HDAC4: variants seen among roughly 807,000 people sequenced by gnomAD.
HDAC4 encodes the protein histone deacetylase A.
Under a neutral mutation model 135.1 loss-of-function variants are expected in HDAC4, and 16 were observed. That is an observed-to-expected ratio of 0.12 (90% confidence interval 0.08 to 0.18). The LOEUF is 0.18. Among genes scored for constraint, HDAC4 ranks in the 10% least tolerant of loss-of-function variants. The probability of loss-of-function intolerance (pLI) is 1.00; values close to 1 mark genes in which losing one functional copy is unlikely to be tolerated. For missense variants in HDAC4, 1,143 were observed against 1,511.8 expected (o/e 0.76, Z 4.05); for synonymous variants, 685 against 653.4 (o/e 1.05, Z -0.74).
intron 3 of HDAC4, among the ~76,000 whole-genome samples, chr2:239,234,856 A>G (rs2047791603): frequency 6.6e-6 from 1 of 152,222 alleles, no homozygotes; most frequent in Non-Finnish European, 1.5e-5. Context: ...GAAACTATGC[A>G]TATTTACCAT....
upstream of HDAC4, chr2:239,401,126 G>A (rs961814807): frequency 2.0e-5 from 3 of 151,810 alleles, no homozygotes; most frequent in East Asian, 3.9e-4. Flanking sequence ...TCCCCTTGCG[G>A]GCCCCGCCCT....
intron 2 of HDAC4, among the ~76,000 whole-genome samples, chr2:239,340,766 T>C (rs753446459): frequency 6.6e-6 from 1 of 152,202 alleles, no homozygotes; most frequent in Non-Finnish European, 1.5e-5. Context: ...ATCTGTGCCC[T>C]GCAGTCCTCG....
At chr2:239,076,447 T>C (rs767644419) in intron 22 of HDAC4, among the ~76,000 whole-genome samples, 3 of 152,234 alleles carry the variant, frequency 2.0e-5, no homozygotes, top group Non-Finnish European at 2.9e-5. Context: ...ATAATTCACT[T>C]AACAGCTGGG....
At chr2:239,072,591 C>T (rs2034313560) in intron 22 of HDAC4, among the ~76,000 whole-genome samples, 1 of 152,238 alleles carries the variant, frequency 6.6e-6, no homozygotes, top group Non-Finnish European at 1.5e-5. Flanking sequence ...GAGGCCCCTC[C>T]CTGGGGGCAG....
chr2:239,298,836 G>A (rs911634866), intron 2 of HDAC4, among the ~76,000 whole-genome samples: 7 of 150,850 alleles, frequency 4.6e-5, no homozygotes, highest in Admixed American at 2.0e-4. Context: ...TACTGAATCC[G>A]GAAGCAACCC....
At chr2:239,235,085 C>T (rs957852400) in intron 3 of HDAC4, among the ~76,000 whole-genome samples, 1 of 152,094 alleles carries the variant, frequency 6.6e-6, no homozygotes, top group African/African-American at 2.4e-5. Context: ...TTAAAGCTCC[C>T]CACCGCTCCC....
chr2:239,257,445 G>GC (rs2049114716), intron 2 of HDAC4, among the ~76,000 whole-genome samples: 1 of 152,122 alleles, frequency 6.6e-6, no homozygotes, highest in Non-Finnish European at 1.5e-5. Flanking sequence ...TATTTGCAGA[G>GC]CCCCACCCCC....
Position 239,126,426 on chromosome 2 carries a change from G to A in HDAC4, c.1533+30C>T, listed in dbSNP as rs779453585. 1.9e-6 allele frequency: 3 copies of A among 1,612,888 alleles called. No individual in the cohort carries two copies. In the Admixed American group the frequency reaches 5.0e-5, roughly 27 times the overall value. On this transcript the variant is annotated intron_variant, in intron 12 of 26. Coordinates refer to ENST00000543185, the MANE Select transcript of HDAC4 (RefSeq NM_001378414.1). ...AGCGCACAGCACACAGCCGCCCTGG[G>A]GCCTGGGAGCGCTGAGCCGGCAAAC... is the stretch of plus-strand genomic sequence containing the variant.
At chr2:239,063,692 C>T (rs369658257) in intron 24 of HDAC4, among the ~76,000 whole-genome samples, 21 of 152,324 alleles carry the variant, frequency 1.4e-4, no homozygotes, top group African/African-American at 4.1e-4. Flanking sequence ...CAGCCTCCCC[C>T]ACACCTGCGA....
intron 22 of HDAC4, among the ~76,000 whole-genome samples, chr2:239,080,078 G>C (rs540767791): frequency 8.2e-6 from 1 of 121,746 alleles, no homozygotes; most frequent in East Asian, 2.0e-4. Context: ...ACAGATGAAC[G>C]AACACCCACC....
chr2:239,163,954 A>G (rs769309523), intron 5 of HDAC4, 31 bp from the exon 6 acceptor site: 4 of 1,613,560 alleles, frequency 2.5e-6, no homozygotes, highest in Non-Finnish European at 2.5e-6. Context: ...GCAGGGGGTG[A>G]AGTGTGGCTC....
At chr2:239,329,842 G>A (rs1013468379) in intron 2 of HDAC4, among the ~76,000 whole-genome samples, 29 of 152,010 alleles carry the variant, frequency 1.9e-4, no homozygotes, top group African/African-American at 6.8e-4. Flanking sequence ...CCTATAAGGT[G>A]AAGTCTCTTA....
At chr2:239,098,304 C>T (rs993459077) in intron 16 of HDAC4, among the ~76,000 whole-genome samples, 68 of 152,374 alleles carry the variant, frequency 4.5e-4, no homozygotes, top group Admixed American at 2.7e-3. Flanking sequence ...GCTCTGCAAA[C>T]GACCAGCCTT....
At chr2:239,292,215 G>A (rs1052372549) in intron 2 of HDAC4, among the ~76,000 whole-genome samples, 5 of 152,226 alleles carry the variant, frequency 3.3e-5, no homozygotes, top group South Asian at 2.1e-4. Flanking sequence ...ACTCCCAGCC[G>A]GGCAGGTGCT....
chr2:239,087,432 G>A (rs2036084421), intron 19 of HDAC4, 127 bp downstream of exon 19: 2 of 889,626 alleles, frequency 2.2e-6, no homozygotes, highest in East Asian at 2.7e-5. Flanking sequence ...GCCGGCATGC[G>A]GCACATCCTG....
At chr2:239,346,901 TCA>T (rs1012606230) in intron 2 of HDAC4, among the ~76,000 whole-genome samples, 4 of 125,614 alleles carry the variant, frequency 3.2e-5, no homozygotes, top group East Asian at 2.3e-4. Context: ...ACCCTGTCTC[TCA>T]CACACACACC....
intron 16 of HDAC4, among the ~76,000 whole-genome samples, chr2:239,096,373 C>CCCG (rs2037045862): frequency 3.0e-5 from 4 of 134,580 alleles, no homozygotes; most frequent in Non-Finnish European, 6.4e-5. Context: ...GCCTGCAACC[C>CCCG]CCCCCGACAC....
In HDAC4 at chr2:239,240,211, G is replaced by A. The variant is rs1283617193; in HGVS notation, c.23-3547C>T. 6.6e-6 allele frequency among the ~76,000 whole-genome samples: 1 copy of A among 152,254 alleles called. No individual in the cohort carries two copies. Among genetic ancestry groups the A allele is most frequent in the Non-Finnish European group, 1.5e-5 (1 of 68,046 alleles). On this transcript the variant is annotated intron_variant, in intron 2 of 26. Coordinates refer to ENST00000543185, the MANE Select transcript of HDAC4 (RefSeq NM_001378414.1). This position sits in a 1 kb window ranked among gnomAD's most constrained non-coding sequence, Gnocchi z 4.5. ...CAGGCGCAGGGGCCACCAGGCCTGG[G>A]AAAGACAGCTTTGGAACGGACCTAA...
rs112926468 is a variant in HDAC4 at position 239,392,735 on chromosome 2, T to G, written c.-220+8243A>C. 6.6e-3 allele frequency among the ~76,000 whole-genome samples: 1,009 copies of G among 152,282 alleles called. 10 individuals are homozygous for G. Among genetic ancestry groups the G allele is most frequent in the African/African-American group, 0.022 (927 of 41,570 alleles). On this transcript the variant is annotated intron_variant, in intron 1 of 26. Coordinates refer to ENST00000543185, the MANE Select transcript of HDAC4 (RefSeq NM_001378414.1). Reference sequence around the variant, plus strand: ...TAAGTCCTCAATAGCCAGCTGGGATTAGCCCCAGGCCACAGGGAGGACTGA... The same window carrying G: ...TAAGTCCTCAATAGCCAGCTGGGATGAGCCCCAGGCCACAGGGAGGACTGA...
Sources: gnomAD v4.1 joint callset for allele counts (sites outside exome capture counted in the v4.1 genomes callset) on GRCh38, gnomAD v4.1.1 for gene constraint, Gnocchi (gnomAD v3.1) non-coding constraint, MANE v1.5 for transcripts, NCBI Gene and HGNC (gene_info 2026-07-23, HGNC 2026-07-21) for gene names.